The following TUFT1 variants were observed in gnomAD, a reference collection of about 807,000 sequenced individuals.
TUFT1 encodes the protein tuftelin.
In TUFT1, 43 loss-of-function variants were observed where a neutral mutation model predicts 57.8. That is an observed-to-expected ratio of 0.74 (90% CI 0.58 to 0.96). The LOEUF is 0.96. Ranked by LOEUF, TUFT1 falls within the 40% of genes least tolerant of loss-of-function variation. TUFT1 has a pLI of 0.00. For missense variants in TUFT1, 459 were observed against 489.0 expected (o/e 0.94, Z 0.58); for synonymous variants, 166 against 176.7 (o/e 0.94, Z 0.48).
chr1:151,566,405 A>G lies in TUFT1; in HGVS notation c.480+177A>G, dbSNP rs115617775. The stretch of plus-strand genomic sequence containing the variant: ...AAAGAGTAGAAATTCTCCTTCCCCA[A>G]TCTCTCTCCTTGCGAGTATCCACTG... On this transcript the variant is annotated intron_variant, in intron 6 of 12. Transcript: ENST00000368849. Among the ~76,000 whole-genome samples, 1,322 of 152,202 alleles carry G rather than the reference A, an allele frequency of 8.7e-3. 21 individuals are homozygous for G. The highest frequency in any genetic ancestry group is 0.027 in the African/African-American group (1,109 of 41,510).
At chr1:151,572,852 G>A (rs1336268072) in intron 7 of TUFT1, among the ~76,000 whole-genome samples, 1 of 152,188 alleles carries the variant, frequency 6.6e-6, no homozygotes, top group Non-Finnish European at 1.5e-5. Flanking sequence ...CTGACCTTGG[G>A]AGGGGCTGGA....
chr1:151,561,740 A>T (rs762194432), intron 1 of TUFT1: 1 of 1,313,784 alleles, frequency 7.6e-7, no homozygotes, highest in South Asian at 1.2e-5. Context: ...TGGATTGAGG[A>T]TGAGCAGTCC....
At chr1:151,577,039 G>A (rs1666489845) in intron 9 of TUFT1, among the ~76,000 whole-genome samples, 3 of 152,160 alleles carry the variant, frequency 2.0e-5, no homozygotes, top group Admixed American at 2.0e-4. Flanking sequence ...TTCCTAAAGT[G>A]CTGGGATTAT....
chr1:151,565,905 A>C, intron 5 of TUFT1: 1 of 378,472 alleles, frequency 2.6e-6, no homozygotes, highest in Non-Finnish European at 5.0e-6. Context: ...ACATCTCTCC[A>C]CCCCCTCTTG....
chr1:151,545,885 G>C (rs1003149327), intron 1 of TUFT1: 1 of 532,666 alleles, frequency 1.9e-6, no homozygotes, highest in Non-Finnish European at 3.9e-6. Flanking sequence ...TCTCTCTCTG[G>C]GCATCTTTCC....
intron 1 of TUFT1, among the ~76,000 whole-genome samples, chr1:151,542,344 C>T (rs932559865): frequency 6.6e-6 from 1 of 152,060 alleles, no homozygotes; most frequent in Admixed American, 6.6e-5. Context: ...CCTCAGTCTC[C>T]CCAAGTAGCT....
chr1:151,562,198 C>T, intron 2 of TUFT1, 33 bp downstream of exon 2: 1 of 1,577,590 alleles, frequency 6.3e-7, no homozygotes, highest in Non-Finnish European at 8.7e-7. Context: ...AAGGCCCCCT[C>T]CCCACACCAG....
chr1:151,558,861 T>C (rs12117155), intron 1 of TUFT1, among the ~76,000 whole-genome samples: 52,136 of 150,766 alleles, frequency 0.35, 9,510 homozygotes, highest in Non-Finnish European at 0.42. Flanking sequence ...CTTGGCTCCC[T>C]GGAACCTCCA....
At position 151,582,382 on chromosome 1, in the gene TUFT1, G is replaced by C. The variant is rs1217879634; in HGVS notation, c.*675G>C. The stretch of plus-strand genomic sequence containing the variant: ...TCTCTAGGGCTACAGACAGTCATGT[G>C]TGACTTCTCTCTGCTGTGAAAACTC... On this transcript the variant is annotated 3_prime_UTR_variant, in exon 13 of 13. Coordinates refer to ENST00000368849, the MANE Select transcript of TUFT1 (RefSeq NM_020127.3). The C allele has an allele frequency of 2.8e-6, 1 of 362,634 alleles. No individual in the cohort carries two copies. The highest frequency in any genetic ancestry group is 5.4e-6 in the Non-Finnish European group (1 of 183,882). 22.5% of individuals were successfully genotyped at this position (362,634 alleles called of 1,614,324 possible).
At chr1:151,553,225 G>A (rs914997992) in intron 1 of TUFT1, among the ~76,000 whole-genome samples, 7 of 152,232 alleles carry the variant, frequency 4.6e-5, no homozygotes, top group African/African-American at 1.7e-4. Context: ...CTGAGTAGCT[G>A]GGACTACAGG....
intron 1 of TUFT1, among the ~76,000 whole-genome samples, chr1:151,549,776 G>A (rs1401903278): frequency 3.9e-5 from 6 of 152,192 alleles, no homozygotes; most frequent in Non-Finnish European, 1.5e-5. Flanking sequence ...GGGTTGGAGT[G>A]CATGGCACAG....
intron 1 of TUFT1, among the ~76,000 whole-genome samples, chr1:151,547,878 A>G (rs1353122140): frequency 6.6e-6 from 1 of 152,224 alleles, no homozygotes; most frequent in Non-Finnish European, 1.5e-5. Context: ...CCAAGTAATG[A>G]GAAAGGCTGC....
At chr1:151,550,107 C>G (rs2102521935) in intron 1 of TUFT1, among the ~76,000 whole-genome samples, 1 of 152,252 alleles carries the variant, frequency 6.6e-6, no homozygotes, top group East Asian at 1.9e-4. Flanking sequence ...CCTTATCTCC[C>G]TGGGGCCTCT....
chr1:151,564,441 C>A, intron 4 of TUFT1, 84 bp from the exon 5 acceptor site: 1 of 1,015,264 alleles, frequency 9.8e-7, no homozygotes, highest in South Asian at 1.4e-5. Flanking sequence ...GCAGTACAGG[C>A]CAGGGATGGG....
At chr1:151,541,780 T>C (rs548953288) in intron 1 of TUFT1, among the ~76,000 whole-genome samples, 1 of 152,320 alleles carries the variant, frequency 6.6e-6, no homozygotes, top group South Asian at 2.1e-4. Flanking sequence ...TCCCCAGCTA[T>C]GAGACTCTGA....
intron 8 of TUFT1, 102 bp downstream of exon 8, chr1:151,574,500 C>A (rs1418890418): frequency 1.9e-5 from 28 of 1,492,724 alleles, no homozygotes; most frequent in Non-Finnish European, 2.4e-5. Context: ...CCAAGCCTCT[C>A]CAGAAAAGCA....
intron 6 of TUFT1, 29 bp downstream of exon 6, chr1:151,566,257 C>T (rs1369879079): frequency 6.3e-7 from 1 of 1,596,028 alleles, no homozygotes; most frequent in Non-Finnish European, 8.6e-7. Context: ...CATGGTGGCT[C>T]CGCTTAGCCA....
chr1:151,556,417 C>T (rs1166439785), intron 1 of TUFT1, among the ~76,000 whole-genome samples: 2 of 151,292 alleles, frequency 1.3e-5, no homozygotes, highest in African/African-American at 2.4e-5. Flanking sequence ...TTCCCACCCC[C>T]CAGCTCCTCT....
rs571633678 is a variant in TUFT1, at chr1:151,574,762, G to A, written c.724-149G>A. The A allele has an allele frequency of 8.9e-5, 62 of 698,836 alleles. No homozygotes were observed. In the African/African-American group the frequency reaches 1.0e-3, roughly 11 times the overall value. 43.3% of individuals were successfully genotyped at this position (698,836 alleles called of 1,614,324 possible). ...GGAAGGGTTCTCCTCATCAAGGGAT[G>A]GCTCCCCATCAAACCAGCTCATCTT... is the stretch of plus-strand genomic sequence containing the variant. On this transcript the variant is annotated intron_variant, in intron 8 of 12. Transcript: ENST00000368849.
Sources: allele counts gnomAD v4.1 joint callset (sites outside exome capture counted in the v4.1 genomes callset), GRCh38; gene constraint gnomAD v4.1.1; transcripts MANE v1.5; gene names NCBI Gene and HGNC (gene_info 2026-07-23, HGNC 2026-07-21).